Variants in KMO observed in about 807,000 individuals in gnomAD.
KMO encodes kynurenine 3-monooxygenase.
Under a neutral mutation model 57.8 loss-of-function variants are expected in KMO, and 24 were observed. The observed-to-expected ratio is 0.42, with a 90% CI of 0.30 to 0.58. KMO has a LOEUF of 0.58. Among genes scored for constraint, KMO ranks in the 20% least tolerant of loss-of-function variants. The probability of loss-of-function intolerance (pLI) is 0.22; values close to 1 mark genes in which losing one functional copy is unlikely to be tolerated. For missense variants in KMO, 483 were observed against 588.2 expected (o/e 0.82, Z 1.85); for synonymous variants, 210 against 193.6 (o/e 1.08, Z -0.70).
At position 241,571,502 on chromosome 1, in the gene KMO, T is replaced by C. The variant is rs77462672; in HGVS notation, c.957+2855T>C. ...GAGAATTTTTATCATGAAGGGATGT[T>C]GAATTCTACAGAATGCTTTTTCAGC... On this transcript the variant is annotated intron_variant, in intron 10 of 14. Coordinates refer to ENST00000366559, the MANE Select transcript of KMO (RefSeq NM_003679.5). 2.3e-3 allele frequency among the ~76,000 whole-genome samples: 353 copies of C among 152,338 alleles called. 2 individuals carry two copies. The highest frequency in any genetic ancestry group is 7.6e-3 in the African/African-American group (315 of 41,588).
rs1661694391 is a variant in KMO at position 241,557,738 on chromosome 1, G to T, written c.361+2078G>T. 2.6e-5 allele frequency among the ~76,000 whole-genome samples: 4 copies of T among 152,136 alleles called. No homozygotes were observed. In the South Asian group the frequency reaches 8.3e-4, roughly 32 times the overall value. On this transcript the variant is annotated intron_variant, in intron 5 of 14. Coordinates refer to ENST00000366559, the MANE Select transcript of KMO (RefSeq NM_003679.5). ...AGCACCTTGGTAGGCTGAGGAGGGA[G>T]GATGGCTCGAGCCCAGGAGTATAAT...
chr1:241,564,956 A>T (rs528886732), intron 7 of KMO, 31 bp from the exon 8 acceptor site: 1 of 1,403,512 alleles, frequency 7.1e-7, no homozygotes, highest in East Asian at 2.3e-5. Context: ...ATATGAATGC[A>T]CTAATCAATC....
chr1:241,545,674 G>A (rs1661121368), intron 1 of KMO, among the ~76,000 whole-genome samples: 1 of 152,136 alleles, frequency 6.6e-6, no homozygotes, highest in Admixed American at 6.5e-5. Context: ...TGGGGGTTAG[G>A]ACTTGAACAT....
At chr1:241,581,417 T>A (rs1397868833) in intron 10 of KMO, among the ~76,000 whole-genome samples, 1 of 152,088 alleles carries the variant, frequency 6.6e-6, no homozygotes, top group African/African-American at 2.4e-5. Context: ...TTCTTCCTTC[T>A]TGTTTTCCTT....
Position 241,588,827 on chromosome 1 carries a change from A to G in KMO, c.1095A>G (p.Ile365Met). The G allele has an allele frequency of 6.2e-7, 1 of 1,607,000 alleles. No individual in the cohort carries two copies. The highest frequency in any genetic ancestry group is 8.5e-7 in the Non-Finnish European group (1 of 1,173,784). The change falls in exon 12 of 15, where the codon ATA (isoleucine) becomes ATG (methionine). Residue 365 changes from isoleucine (I) to methionine (M), a missense_variant. Coordinates refer to ENST00000366559, the MANE Select transcript of KMO (RefSeq NM_003679.5). ...AISDLSMYNY[I>M]EMRAHVNSSW... Reference sequence around the variant, plus strand: ...CAGACCTATCCATGTACAATTACATAGAGGTGAGTGAGAAGGTTTGGCTTT... The same window carrying G: ...CAGACCTATCCATGTACAATTACATGGAGGTGAGTGAGAAGGTTTGGCTTT...
Position 241,590,061 on chromosome 1 carries a change from A to G in KMO, c.1148A>G (p.Glu383Gly). The change falls in exon 13 of 15, where the codon GAG becomes GGG. Residue 383 changes from glutamate (E) to glycine (G), a missense_variant. By Grantham distance (98) the Glu-to-Gly change is moderately conservative. This residue lies in a region of KMO where 410 missense variants were observed against 492.3 expected (regional missense o/e 0.83). Transcript: ENST00000366559. ...SSWFIFQKNM[E>G]RFLHAIMPST... is the part of the protein sequence containing the mutation. ...TGGTTCATTTTTCAGAAGAACATGGAGAGATTTCTTCATGCGATTATGCCA... is the reference window on the plus strand; with the variant it reads ...TGGTTCATTTTTCAGAAGAACATGGGGAGATTTCTTCATGCGATTATGCCA... 2 of 1,614,038 alleles carry G rather than the reference A, an allele frequency of 1.2e-6. No homozygotes were observed. The highest frequency in any genetic ancestry group is 1.7e-6 in the Non-Finnish European group (2 of 1,179,920).
intron 10 of KMO, among the ~76,000 whole-genome samples, chr1:241,573,164 A>C (rs1662369468): frequency 6.6e-6 from 1 of 151,940 alleles, no homozygotes; most frequent in African/African-American, 2.4e-5. Flanking sequence ...ATTTTTTGCT[A>C]ATTTTTGTAG....
chr1:241,541,078 A>T (rs964846276), intron 1 of KMO, among the ~76,000 whole-genome samples: 1 of 152,132 alleles, frequency 6.6e-6, no homozygotes, highest in African/African-American at 2.4e-5. Flanking sequence ...AATAAAAAGA[A>T]GATGACTAGT....
intron 10 of KMO, among the ~76,000 whole-genome samples, chr1:241,573,241 C>T (rs1007256067): frequency 5.3e-5 from 8 of 152,262 alleles, no homozygotes; most frequent in African/African-American, 1.9e-4. Flanking sequence ...CCCACCTTGG[C>T]CTCCCAAAGT....
intron 12 of KMO, among the ~76,000 whole-genome samples, chr1:241,589,153 A>G (rs1336132915): frequency 6.6e-6 from 1 of 152,222 alleles, no homozygotes; most frequent in Admixed American, 6.5e-5. Flanking sequence ...AGATGTGTCA[A>G]CATATTTAGA....
At chr1:241,575,772 T>C (rs1446977843) in intron 10 of KMO, among the ~76,000 whole-genome samples, 1 of 152,104 alleles carries the variant, frequency 6.6e-6, no homozygotes, top group Non-Finnish European at 1.5e-5. Flanking sequence ...GTTCTGTAAA[T>C]ATCTGTTAGA....
In KMO at chr1:241,555,680, C is replaced by T. The variant is rs1661588367; in HGVS notation, c.361+20C>T. 6 of 1,443,010 alleles carry T rather than the reference C, an allele frequency of 4.2e-6. No individual in the cohort carries two copies. Among genetic ancestry groups the T allele is most frequent in the Non-Finnish European group, 5.8e-6 (6 of 1,028,358 alleles). 89.4% of individuals were successfully genotyped at this position (1,443,010 alleles called of 1,614,324 possible). A position where few individuals can be genotyped will look rare whatever the true frequency, so the allele number is the denominator to read the frequency against. On this transcript the variant is annotated intron_variant, in intron 5 of 14. Transcript: ENST00000366559. ...TGACTGGTAAGTCTAATGTTTGATT[C>T]ATCAGTTGTCATTTTGAGTAAAGCA...
At chr1:241,578,037 A>G (rs764375927) in intron 10 of KMO, among the ~76,000 whole-genome samples, 9 of 152,080 alleles carry the variant, frequency 5.9e-5, no homozygotes, top group Non-Finnish European at 1.0e-4. Flanking sequence ...TTCCAAGTAG[A>G]GAGGAGTTGT....
chr1:241,555,953 C>T (rs548064287), intron 5 of KMO, among the ~76,000 whole-genome samples: 2 of 152,104 alleles, frequency 1.3e-5, no homozygotes, highest in South Asian at 2.1e-4. Context: ...GGTGTAGAAG[C>T]GTGTACCTAT....
intron 12 of KMO, 83 bp downstream of exon 12, chr1:241,588,913 C>A: frequency 1.0e-6 from 1 of 986,204 alleles, no homozygotes; most frequent in Non-Finnish European, 1.6e-6. Context: ...TTTGCTTCAG[C>A]CCCCATCTCA....
chr1:241,548,375 T>C (rs538134486), intron 1 of KMO, among the ~76,000 whole-genome samples: 11 of 152,138 alleles, frequency 7.2e-5, no homozygotes, highest in Admixed American at 2.6e-4. Context: ...ATCACAGAAG[T>C]CAGAATAATG....
At chr1:241,570,146 A>G (rs1662222444) in intron 10 of KMO, among the ~76,000 whole-genome samples, 1 of 152,006 alleles carries the variant, frequency 6.6e-6, no homozygotes, top group African/African-American at 2.4e-5. Context: ...TCAGATGGGT[A>G]GTTTGCAAAT....
In KMO at chr1:241,565,015, T is replaced by A. The variant is rs1662022495; in HGVS notation, c.644T>A (p.Ile215Asn). 1 of 1,607,352 alleles carries A rather than the reference T, an allele frequency of 6.2e-7. No homozygotes were observed. Among genetic ancestry groups the A allele is most frequent in the Admixed American group, 1.7e-5 (1 of 60,002 alleles). The change falls in exon 8 of 15, where the codon ATT becomes AAT. Residue 215 changes from isoleucine to asparagine, a missense_variant. Around this residue, in one of 3 missense-constraint regions of KMO, gnomAD observed 410 missense variants for 492.3 expected, o/e 0.83. Transcript: ENST00000366559. ...DYAMEPNYLH[I>N]WPRNTFMMIA... The stretch of plus-strand genomic sequence containing the variant: ...GCCATGGAACCTAATTATCTGCATA[T>A]TTGGCCTAGAAATACCTTTATGATG...
chr1:241,550,914 T>C (rs1661369962), intron 3 of KMO, 41 bp from the exon 4 acceptor site: 3 of 895,288 alleles, frequency 3.4e-6, no homozygotes, highest in African/African-American at 1.8e-5. Context: ...CATAATGCCA[T>C]GTTACTGTCA....
Sources: gnomAD v4.1 joint callset for allele counts (sites outside exome capture counted in the v4.1 genomes callset) on GRCh38, gnomAD v4.1.1 for gene constraint, gnomAD v4.1.1 regional missense constraint, MANE v1.5 for transcripts, NCBI Gene and HGNC (gene_info 2026-07-23, HGNC 2026-07-21) for gene names.